Variants in GALR1 observed in about 807,000 individuals in gnomAD.
GALR1 encodes the protein galanin receptor type 1.
GALR1 carries 11 observed loss-of-function variants against 17.9 expected under a neutral mutation model. That is an observed-to-expected ratio of 0.62 (90% CI 0.39 to 1.02). GALR1 has a LOEUF of 1.02. Ranked by LOEUF, GALR1 falls within the 50% of genes least tolerant of loss-of-function variation. The pLI is 0.01. For missense variants in GALR1, 441 were observed against 456.9 expected (o/e 0.97, Z 0.32); for synonymous variants, 206 against 205.7 (o/e 1.00, Z -0.01).
chr18:77,258,217 G>A (rs1450177832), intron 2 of GALR1, among the ~76,000 whole-genome samples: 1 of 152,090 alleles, frequency 6.6e-6, no homozygotes, highest in Non-Finnish European at 1.5e-5. Context: ...GTGAGTATAT[G>A]TATATATAAT....
chr18:77,268,886 A>G lies in GALR1; in HGVS notation c.1034A>G (p.Asn345Ser), dbSNP rs745369709. ...CGAATAGACACCCCACCATCAACCA[A>G]TTGTACTCATGTGTGATAAAAGATA... ...KSRIDTPPST[N>S]CTHV The change falls in exon 3 of 3, where the codon AAT becomes AGT. Residue 345 changes from asparagine to serine, a missense_variant. Asn to Ser is a conservative substitution (Grantham distance 46). Coordinates refer to ENST00000299727, the MANE Select transcript of GALR1 (RefSeq NM_001480.4). The G allele has an allele frequency of 1.9e-6, 3 of 1,610,158 alleles. No individual in the cohort carries two copies. Among genetic ancestry groups the G allele is most frequent in the Admixed American group, 1.7e-5 (1 of 59,968 alleles).
intron 1 of GALR1, chr18:77,253,800 A>G (rs1285332398): frequency 6.6e-6 from 1 of 152,198 alleles, no homozygotes; most frequent in African/African-American, 2.4e-5. Context: ...ATAAACAAAA[A>G]AACTTAAGAC....
intron 1 of GALR1, among the ~76,000 whole-genome samples, chr18:77,252,229 G>C (rs1352063166): frequency 6.6e-6 from 1 of 152,184 alleles, no homozygotes; most frequent in Non-Finnish European, 1.5e-5. Flanking sequence ...TTGCGTAAAC[G>C]GGAGCTTATT....
chr18:77,268,241 G>T (rs1243955998), intron 2 of GALR1, among the ~76,000 whole-genome samples: 1 of 151,894 alleles, frequency 6.6e-6, no homozygotes, highest in Admixed American at 6.6e-5. Context: ...GAACAGTTTT[G>T]CTAGTTTAAA....
chr18:77,268,887 T>C lies in GALR1; in HGVS notation c.1035T>C (p.Asn345=). The C allele has an allele frequency of 1.2e-6, 2 of 1,610,590 alleles. No individual in the cohort carries two copies. Among genetic ancestry groups the C allele is most frequent in the East Asian group, 2.2e-5 (1 of 44,872 alleles). Residue 345 remains asparagine (N), a synonymous_variant, in exon 3 of 3, where the codon AAT becomes AAC. Transcript: ENST00000299727. ...GAATAGACACCCCACCATCAACCAA[T>C]TGTACTCATGTGTGATAAAAGATAG... ...KSRIDTPPST[N]CTHV is the part of the protein sequence containing the mutation.
Position 77,250,990 on chromosome 18 carries a change from G to A in GALR1, c.442G>A (p.Val148Met). 1 of 1,604,498 alleles carries A rather than the reference G, an allele frequency of 6.2e-7. No individual in the cohort carries two copies. Among genetic ancestry groups the A allele is most frequent in the Non-Finnish European group, 8.5e-7 (1 of 1,179,912 alleles). Reference sequence around the variant, plus strand: ...CTCGCGGCGCTCCTCCTCCCTCAGGGTGTCCCGCAACGCGCTGCTGGGCGT... The same window carrying A: ...CTCGCGGCGCTCCTCCTCCCTCAGGATGTCCCGCAACGCGCTGCTGGGCGT... ...VHSRRSSSLRVSRNALLGVGC... is the reference protein window; with the variant it reads ...VHSRRSSSLRMSRNALLGVGC... Residue 148 changes from valine (V) to methionine (M), a missense_variant, in exon 1 of 3, where the codon GTG becomes ATG. Transcript: ENST00000299727.
At chr18:77,252,971 T>C (rs868390770) in intron 1 of GALR1, among the ~76,000 whole-genome samples, 1,418 of 21,668 alleles carry the variant, frequency 0.065, 11 homozygotes, top group Middle Eastern at 0.086. Flanking sequence ...ACCACCACCA[T>C]CACCACCATC....
At position 77,269,863 on chromosome 18, in the gene GALR1, A is replaced by G. The variant is rs1913026190; in HGVS notation, c.*961A>G. The G allele has an allele frequency of 3.9e-5, 6 of 152,212 alleles. No homozygotes were observed. The highest frequency in any genetic ancestry group is 2.6e-4 in the Admixed American group (4 of 15,276). The allele number at this position is 152,212 out of a possible 1,614,324, so 9.4% of individuals were successfully genotyped here. ...GAAGTAATGGTCATGCCTGTACATA[A>G]AGCATATTTCATGTTTGATTTAGAT... On this transcript the variant is annotated 3_prime_UTR_variant, in exon 3 of 3. Transcript: ENST00000299727.
intron 2 of GALR1, among the ~76,000 whole-genome samples, chr18:77,256,728 G>A (rs567095136): frequency 7.2e-5 from 11 of 152,258 alleles, no homozygotes; most frequent in Non-Finnish European, 1.2e-4. Flanking sequence ...ACTCTGACCC[G>A]GCAGGTAAAG....
chr18:77,267,131 G>T (rs144897807), intron 2 of GALR1, among the ~76,000 whole-genome samples: 15 of 152,350 alleles, frequency 9.8e-5, no homozygotes, highest in African/African-American at 2.6e-4. Flanking sequence ...TGAAGCCATC[G>T]AACAGAGGAG....
At position 77,251,169 on chromosome 18, in the gene GALR1, C is replaced by T. The variant is rs776511871; in HGVS notation, c.621C>T (p.Phe207=). The T allele has an allele frequency of 6.8e-6, 11 of 1,610,458 alleles. No homozygotes were observed. The highest frequency in any genetic ancestry group is 2.2e-5 in the South Asian group (2 of 91,042). Residue 207 remains phenylalanine, a synonymous_variant, in exon 1 of 3, where the codon TTC becomes TTT. Coordinates refer to ENST00000299727, the MANE Select transcript of GALR1 (RefSeq NM_001480.4). Reference sequence around the variant, plus strand: ...CCTACGTGGTGTGCACCTTCGTCTTCGGCTACCTGCTGCCGCTCCTGCTCA... The same window carrying T: ...CCTACGTGGTGTGCACCTTCGTCTTTGGCTACCTGCTGCCGCTCCTGCTCA... ...KKAYVVCTFV[F]GYLLPLLLIC... is the part of the protein sequence containing the mutation.
At chr18:77,251,235 C>G in intron 1 of GALR1, 21 bp downstream of exon 1, 1 of 1,576,092 alleles carries the variant, frequency 6.3e-7, no homozygotes, top group Middle Eastern at 1.7e-4. Flanking sequence ...GTCGCGGGGC[C>G]GAGACGCGCG....
At position 77,258,145 on chromosome 18, in the gene GALR1, G is replaced by A. The variant is rs9951696; in HGVS notation, c.732+1922G>A. Among the ~76,000 whole-genome samples, 667 of 152,136 alleles carry A rather than the reference G, an allele frequency of 4.4e-3. 4 individuals carry two copies. Among genetic ancestry groups the A allele is most frequent in the African/African-American group, 0.015 (623 of 41,508 alleles). On this transcript the variant is annotated intron_variant, in intron 2 of 2. Transcript: ENST00000299727. ...TTTACAATAAAAAACCTAAAGATCA[G>A]TGATTAGTTCAGTCATTAGTTATAT...
At chr18:77,252,971 T>TCACCACCACCAC in intron 1 of GALR1, among the ~76,000 whole-genome samples, 1 of 23,190 alleles carries the variant, frequency 4.3e-5, no homozygotes, top group Non-Finnish European at 8.8e-5. Context: ...ACCACCACCA[T>TCACCACCACCAC]CACCACCATC....
At chr18:77,256,706 C>T (rs1001118405) in intron 2 of GALR1, among the ~76,000 whole-genome samples, 1 of 152,190 alleles carries the variant, frequency 6.6e-6, no homozygotes, top group African/African-American at 2.4e-5. Flanking sequence ...CCTCTTTCAC[C>T]CACATGTGCT....
At position 77,251,172 on chromosome 18, in the gene GALR1, C is replaced by T. The variant is rs1308233744; in HGVS notation, c.624C>T (p.Gly208=). The T allele has an allele frequency of 7.5e-6, 12 of 1,610,344 alleles. No individual in the cohort carries two copies. The South Asian group carries it at 1.3e-4, about 18-fold the overall frequency. ...ACGTGGTGTGCACCTTCGTCTTCGG[C>T]TACCTGCTGCCGCTCCTGCTCATCT... is the stretch of plus-strand genomic sequence containing the variant. The part of the protein sequence containing the change: ...KAYVVCTFVF[G]YLLPLLLICF... The change falls in exon 1 of 3, where the codon GGC becomes GGT. Residue 208 remains glycine (G), a synonymous_variant. Coordinates refer to ENST00000299727, the MANE Select transcript of GALR1 (RefSeq NM_001480.4).
chr18:77,259,450 ATGG>A (rs1912770130), intron 2 of GALR1, among the ~76,000 whole-genome samples: 1 of 102,842 alleles, frequency 9.7e-6, no homozygotes, highest in South Asian at 3.4e-4. Context: ...GATGGTGATC[ATGG>A]TGGTGATGGT....
At chr18:77,267,916 CCTCCTACCATTTG>C (rs1912977971) in intron 2 of GALR1, among the ~76,000 whole-genome samples, 1 of 152,158 alleles carries the variant, frequency 6.6e-6, no homozygotes, top group Admixed American at 6.5e-5. Context: ...GCGATGACTT[CCTCCTACCATTTG>C]CTCAGTAGAA....
chr18:77,265,203 C>T (rs1205416886), intron 2 of GALR1, among the ~76,000 whole-genome samples: 3 of 152,210 alleles, frequency 2.0e-5, no homozygotes, highest in African/African-American at 7.2e-5. Context: ...GGAAATACAA[C>T]CATTCCAAAT....
Sources: gnomAD v4.1 joint callset for allele counts (sites outside exome capture counted in the v4.1 genomes callset) on GRCh38, gnomAD v4.1.1 for gene constraint, MANE v1.5 for transcripts, NCBI Gene and HGNC (gene_info 2026-07-23, HGNC 2026-07-21) for gene names.